PTPRM: variants seen among roughly 807,000 people sequenced by gnomAD.
The protein encoded by PTPRM is protein tyrosine phosphatase receptor type M.
PTPRM carries 47 observed loss-of-function variants against 186.7 expected under a neutral mutation model. The observed-to-expected ratio is 0.25, with a 90% CI of 0.20 to 0.32. PTPRM has a LOEUF of 0.32. Ranked by LOEUF, PTPRM falls within the 10% of genes least tolerant of loss-of-function variation. The probability of loss-of-function intolerance (pLI) is 1.00; values close to 1 mark genes in which losing one functional copy is unlikely to be tolerated. For missense variants in PTPRM, 1,494 were observed against 1,865.0 expected (o/e 0.80, Z 3.66); for synonymous variants, 668 against 674.9 (o/e 0.99, Z 0.16).
At chr18:8,402,154 T>C (rs2095875618) in intron 32 of PTPRM, among the ~76,000 whole-genome samples, 1 of 152,220 alleles carries the variant, frequency 6.6e-6, no homozygotes, top group South Asian at 2.1e-4. Flanking sequence ...TACCTGGTAA[T>C]CAAATGTAAT....
At chr18:7,613,289 C>A (rs747065929) in intron 1 of PTPRM, among the ~76,000 whole-genome samples, 2 of 152,176 alleles carry the variant, frequency 1.3e-5, no homozygotes, top group Non-Finnish European at 1.5e-5. Flanking sequence ...CTACTCCATA[C>A]AATTTAATCC....
chr18:8,201,303 A>T (rs766112407), intron 14 of PTPRM, among the ~76,000 whole-genome samples: 1 of 152,246 alleles, frequency 6.6e-6, no homozygotes, highest in Non-Finnish European at 1.5e-5. Flanking sequence ...GCAACAGAGC[A>T]AGACTCCGTC....
intron 2 of PTPRM, among the ~76,000 whole-genome samples, chr18:7,792,992 C>T (rs984230743): frequency 1.3e-5 from 2 of 152,176 alleles, no homozygotes; most frequent in African/African-American, 4.8e-5. Context: ...AAGTTACCTA[C>T]ATAGATGGCC....
chr18:7,953,852 T>C (rs1016252409), intron 6 of PTPRM, among the ~76,000 whole-genome samples: 5 of 152,152 alleles, frequency 3.3e-5, no homozygotes, highest in African/African-American at 1.2e-4. Context: ...TAGCAGAAAT[T>C]TCAGCAAGCA....
intron 7 of PTPRM, among the ~76,000 whole-genome samples, chr18:7,963,118 G>T (rs1454808545): frequency 1.3e-5 from 2 of 152,224 alleles, no homozygotes; most frequent in Non-Finnish European, 2.9e-5. Flanking sequence ...CATTAAAAGG[G>T]CATGAGGAGT....
intron 1 of PTPRM, among the ~76,000 whole-genome samples, chr18:7,692,797 T>C (rs934898979): frequency 6.6e-6 from 1 of 152,184 alleles, no homozygotes; most frequent in African/African-American, 2.4e-5. Flanking sequence ...TACCTGATGA[T>C]TGGAGAGAAA....
chr18:7,955,746 C>G (rs947275396), intron 7 of PTPRM, among the ~76,000 whole-genome samples: 3 of 152,200 alleles, frequency 2.0e-5, no homozygotes, highest in African/African-American at 7.2e-5. Context: ...AGGTCAGACT[C>G]TCTTACTTGG....
chr18:7,782,639 TC>T (rs1276035879), intron 2 of PTPRM, among the ~76,000 whole-genome samples: 1 of 152,188 alleles, frequency 6.6e-6, no homozygotes, highest in Non-Finnish European at 1.5e-5. Context: ...ACTTTCTGTC[TC>T]TATGAATTTG....
At chr18:7,834,515 C>CACACACACACACACACACACAT in intron 2 of PTPRM, among the ~76,000 whole-genome samples, 1 of 146,986 alleles carries the variant, frequency 6.8e-6, no homozygotes, top group East Asian at 2.1e-4. Context: ...CACACACACA[C>CACACACACACACACACACACAT]ACACACACAC....
At chr18:8,075,572 A>T (rs1333590627) in intron 8 of PTPRM, among the ~76,000 whole-genome samples, 1 of 152,182 alleles carries the variant, frequency 6.6e-6, no homozygotes, top group African/African-American at 2.4e-5. Context: ...AACATTTTAT[A>T]ATGATATTGA....
At chr18:8,343,642 C>G in intron 23 of PTPRM, 122 bp downstream of exon 23, 2 of 718,442 alleles carry the variant, frequency 2.8e-6, no homozygotes, top group Middle Eastern at 2.6e-4. Flanking sequence ...ACTACTCCAG[C>G]TCCTCCTATT....
At chr18:7,569,004 C>G (rs770694327) in intron 1 of PTPRM, among the ~76,000 whole-genome samples, 10 of 152,150 alleles carry the variant, frequency 6.6e-5, no homozygotes, top group Non-Finnish European at 8.8e-5. Context: ...AATAAAAAAG[C>G]CTGCTCTTTG....
At chr18:8,110,358 G>T (rs1183755891) in intron 11 of PTPRM, among the ~76,000 whole-genome samples, 1 of 152,186 alleles carries the variant, frequency 6.6e-6, no homozygotes, top group South Asian at 2.1e-4. Context: ...CTCATTGAGG[G>T]TCTGTGTTTT....
At chr18:7,996,416 A>G (rs1439406459) in intron 7 of PTPRM, among the ~76,000 whole-genome samples, 1 of 152,144 alleles carries the variant, frequency 6.6e-6, no homozygotes, top group African/African-American at 2.4e-5. Context: ...AAGGCAATAT[A>G]TGACATACAG....
chr18:7,877,110 TTAA>T (rs1370816112), intron 2 of PTPRM, among the ~76,000 whole-genome samples: 1 of 152,204 alleles, frequency 6.6e-6, no homozygotes, highest in Non-Finnish European at 1.5e-5. Flanking sequence ...TTGAAAGTTT[TTAA>T]TAATTGGTTT....
intron 7 of PTPRM, among the ~76,000 whole-genome samples, chr18:7,995,056 TA>T (rs2083462604): frequency 1.3e-5 from 2 of 151,520 alleles, no homozygotes; most frequent in African/African-American, 4.8e-5. Flanking sequence ...AAAGATAAAA[TA>T]GATAAACCTT....
At chr18:7,790,947 A>T (rs1030982267) in intron 2 of PTPRM, among the ~76,000 whole-genome samples, 1 of 152,148 alleles carries the variant, frequency 6.6e-6, no homozygotes, top group African/African-American at 2.4e-5. Context: ...CTCACCAAAC[A>T]TGAATCAATA....
At chr18:8,294,087 C>T (rs1265721304) in intron 19 of PTPRM, among the ~76,000 whole-genome samples, 1 of 151,984 alleles carries the variant, frequency 6.6e-6, no homozygotes, top group Non-Finnish European at 1.5e-5. Flanking sequence ...CCCATCTGTA[C>T]TAAAAATACA....
At chr18:8,216,482 G>A (rs12955310) in intron 14 of PTPRM, among the ~76,000 whole-genome samples, 25,854 of 152,146 alleles carry the variant, frequency 0.17, 2,259 homozygotes, top group Non-Finnish European at 0.2. Context: ...CCTGTAAGGC[G>A]AAGAAAACAC....
Sources: gnomAD v4.1 joint callset for allele counts (sites outside exome capture counted in the v4.1 genomes callset) on GRCh38, gnomAD v4.1.1 for gene constraint, MANE v1.5 for transcripts, NCBI Gene and HGNC (gene_info 2026-07-23, HGNC 2026-07-21) for gene names.